The following LIN52 variants were observed in gnomAD, a reference collection of about 807,000 sequenced individuals.
LIN52 encodes the protein protein lin-52 homolog.
In LIN52, 4 loss-of-function variants were observed where a neutral mutation model predicts 18.5. The ratio of observed to expected loss-of-function variants is 0.22; its 90% CI spans 0.11 to 0.49. The LOEUF is 0.49. Ranked by LOEUF, LIN52 falls within the 20% of genes least tolerant of loss-of-function variation. LIN52 has a pLI of 0.97. For synonymous variants in LIN52, 34 were observed against 45.5 expected, an observed-to-expected ratio of 0.75 and a Z score of 1.02; for missense variants, 102 against 139.5, an observed-to-expected ratio of 0.73 and a Z score of 1.35.
chr14:74,198,837 T>G, intron 5 of LIN52, 85 bp from the exon 6 acceptor site: 1 of 1,008,298 alleles, frequency 9.9e-7, no homozygotes, highest in Non-Finnish European at 1.5e-6. Context: ...TTTAAATCAA[T>G]CTGCATTTTT....
intron 5 of LIN52, among the ~76,000 whole-genome samples, chr14:74,122,548 A>G (rs1211870976): frequency 6.6e-6 from 1 of 152,160 alleles, no homozygotes; most frequent in Non-Finnish European, 1.5e-5. Flanking sequence ...TATGAGTGAA[A>G]AGAGCATCTT....
intron 5 of LIN52, among the ~76,000 whole-genome samples, chr14:74,172,990 C>T (rs1407430374): frequency 6.6e-6 from 1 of 151,766 alleles, no homozygotes. Context: ...ATTGAATGAA[C>T]CAATTAAAAA....
intron 5 of LIN52, among the ~76,000 whole-genome samples, chr14:74,143,469 A>C (rs1234453410): frequency 6.6e-6 from 1 of 152,162 alleles, no homozygotes; most frequent in South Asian, 2.1e-4. Flanking sequence ...GGGAGGATGC[A>C]TTTGAGCCCA....
chr14:74,130,278 G>GGTTTTTTTTTTGT (rs2061054384), intron 5 of LIN52, among the ~76,000 whole-genome samples: 1 of 64,842 alleles, frequency 1.5e-5, no homozygotes, highest in East Asian at 4.6e-4. Context: ...GCATTTTTTG[G>GGTTTTTTTTTTGT]TTTTTTTTTT....
chr14:74,180,211 G>A (rs772255942), intron 5 of LIN52, among the ~76,000 whole-genome samples: 1 of 151,940 alleles, frequency 6.6e-6, no homozygotes, highest in Admixed American at 6.6e-5. Flanking sequence ...TGTCTACACC[G>A]AGGACAAACT....
chr14:74,177,002 C>G (rs1178723606), intron 5 of LIN52, among the ~76,000 whole-genome samples: 1 of 145,736 alleles, frequency 6.9e-6, no homozygotes, highest in Non-Finnish European at 1.5e-5. Context: ...GTTGTTTCCA[C>G]TTTTTTTTTT....
At position 74,195,588 on chromosome 14, in the gene LIN52, G is replaced by A. The variant is rs548842026; in HGVS notation, c.284-3334G>A. On this transcript the variant is annotated intron_variant, in intron 5 of 5. Transcript: ENST00000555028. ...TGTGTGTGTGTGTGCGCGTGTAGAC[G>A]AGGAATACAGAATAGTAGCAGAAGG... Among the ~76,000 whole-genome samples the A allele has an allele frequency of 6.6e-5, 10 of 151,216 alleles. No homozygotes were observed. In the East Asian group the frequency reaches 1.8e-3, roughly 27 times the overall value.
In LIN52 at chr14:74,200,492, T is replaced by C. The variant is rs868508880; in HGVS notation, c.*1515T>C. On this transcript the variant is annotated 3_prime_UTR_variant, in exon 6 of 6. Coordinates refer to ENST00000555028, the MANE Select transcript of LIN52 (RefSeq NM_001024674.3). ...GATGGTGTTTGGACACAAGAAAAGT[T>C]ATGGTTTTGAGTCGTGAGTGTTTGC... The C allele has an allele frequency of 2.6e-4, 39 of 150,590 alleles. No homozygotes were observed. Among genetic ancestry groups the C allele is most frequent in the African/African-American group, 8.8e-4 (36 of 40,760 alleles). 9.3% of individuals were successfully genotyped at this position (150,590 alleles called of 1,614,324 possible).
chr14:74,101,248 C>T lies in LIN52; in HGVS notation c.283+10C>T. 6.3e-7 allele frequency: 1 copy of T among 1,595,314 alleles called. No individual in the cohort carries two copies. Among genetic ancestry groups the T allele is most frequent in the Non-Finnish European group, 8.5e-7 (1 of 1,172,488 alleles). On this transcript the variant is annotated intron_variant, in intron 5 of 5. Coordinates refer to ENST00000555028, the MANE Select transcript of LIN52 (RefSeq NM_001024674.3). ...CTGGGGCTGGATGAGTGTGAGTACC[C>T]CGATCGCATTTGTTCAGGGGTGTAT...
chr14:74,091,381 G>A, intron 2 of LIN52, 75 bp downstream of exon 2: 1 of 1,050,982 alleles, frequency 9.5e-7, no homozygotes, highest in African/African-American at 1.6e-5. Context: ...TTTTTAAAGA[G>A]TTATTTATTT....
intron 5 of LIN52, among the ~76,000 whole-genome samples, chr14:74,165,750 C>G (rs956219510): frequency 2.0e-5 from 3 of 151,984 alleles, no homozygotes; most frequent in Admixed American, 6.6e-5. Flanking sequence ...CTCAAGTGAT[C>G]CGCCCACCTC....
intron 2 of LIN52, among the ~76,000 whole-genome samples, chr14:74,093,654 C>T (rs554972722): frequency 3.9e-5 from 6 of 152,140 alleles, no homozygotes; most frequent in Non-Finnish European, 7.3e-5. Flanking sequence ...CACTGTTAAT[C>T]GTACAAATCC....
chr14:74,138,908 AAAT>A (rs2061113458), intron 5 of LIN52, among the ~76,000 whole-genome samples: 1 of 151,552 alleles, frequency 6.6e-6, no homozygotes, highest in African/African-American at 2.4e-5. Context: ...AGGAAATCTA[AAAT>A]AATTGTGGCT....
chr14:74,152,031 C>T (rs369923689), intron 5 of LIN52, among the ~76,000 whole-genome samples: 3 of 152,106 alleles, frequency 2.0e-5, no homozygotes, highest in South Asian at 2.1e-4. Flanking sequence ...CTGAGGTGGG[C>T]GAATCACTTG....
chr14:74,152,155 C>T (rs574688540), intron 5 of LIN52, among the ~76,000 whole-genome samples: 4 of 151,450 alleles, frequency 2.6e-5, no homozygotes, highest in Admixed American at 6.6e-5. Context: ...CCCAGCTACT[C>T]GGGAGGCTGA....
intron 5 of LIN52, among the ~76,000 whole-genome samples, chr14:74,180,848 C>G (rs2061315401): frequency 6.6e-6 from 1 of 151,958 alleles, no homozygotes; most frequent in African/African-American, 2.4e-5. Flanking sequence ...GTGGCTTATG[C>G]CTGTAATATC....
chr14:74,121,032 G>A (rs888386354), intron 5 of LIN52, among the ~76,000 whole-genome samples: 4 of 152,032 alleles, frequency 2.6e-5, no homozygotes, highest in African/African-American at 7.3e-5. Context: ...GGTAACACAG[G>A]GAGACTCTGT....
At chr14:74,151,706 G>A (rs1185255597) in intron 5 of LIN52, among the ~76,000 whole-genome samples, 2 of 152,164 alleles carry the variant, frequency 1.3e-5, no homozygotes, top group South Asian at 2.1e-4. Context: ...TAGAAGTCAA[G>A]AGTTATCAGC....
intron 5 of LIN52, among the ~76,000 whole-genome samples, chr14:74,146,966 T>C (rs2061154672): frequency 6.6e-6 from 1 of 151,996 alleles, no homozygotes; most frequent in Non-Finnish European, 1.5e-5. Flanking sequence ...TGGAAAACAA[T>C]ATCCACATGA....
Sources: allele counts gnomAD v4.1 joint callset (sites outside exome capture counted in the v4.1 genomes callset), GRCh38; gene constraint gnomAD v4.1.1; transcripts MANE v1.5; gene names NCBI Gene and HGNC (gene_info 2026-07-23, HGNC 2026-07-21).